Variants in LAMA2 observed in about 807,000 individuals in gnomAD.
The protein encoded by LAMA2 is laminin subunit alpha-2.
In LAMA2, 269 loss-of-function variants were observed where a neutral mutation model predicts 364.8. The ratio of observed to expected loss-of-function variants is 0.74; its 90% CI spans 0.67 to 0.82. LAMA2 has a LOEUF of 0.82. Ranked by LOEUF, LAMA2 falls within the 40% of genes least tolerant of loss-of-function variation. The probability of loss-of-function intolerance (pLI) is 0.00; values close to 1 mark genes in which losing one functional copy is unlikely to be tolerated. For synonymous variants in LAMA2, 1,379 were observed against 1,370.6 expected (o/e 1.01, Z -0.14); for missense variants, 3,807 against 3,873.2 (o/e 0.98, Z 0.45).
intron 14 of LAMA2, among the ~76,000 whole-genome samples, chr6:129,254,412 G>A (rs115041193): frequency 1.2e-3 from 183 of 152,276 alleles, no homozygotes; most frequent in African/African-American, 4.2e-3. Flanking sequence ...ATAAGGAGGA[G>A]GACAATTGCT....
intron 12 of LAMA2, among the ~76,000 whole-genome samples, chr6:129,237,048 A>G (rs1204694502): frequency 6.6e-6 from 1 of 152,194 alleles, no homozygotes; most frequent in African/African-American, 2.4e-5. Flanking sequence ...TGTAACCTTG[A>G]ACAAGTTATG....
At chr6:129,149,253 A>G (rs771556015) in intron 7 of LAMA2, among the ~76,000 whole-genome samples, 157 bp downstream of exon 7, 2 of 152,162 alleles carry the variant, frequency 1.3e-5, no homozygotes, top group African/African-American at 2.4e-5. Context: ...AGCTTTTCCT[A>G]AAGGGAAATA....
chr6:129,200,435 CAT>C (rs1017533135), intron 12 of LAMA2, among the ~76,000 whole-genome samples: 17 of 148,916 alleles, frequency 1.1e-4, no homozygotes, highest in Admixed American at 2.7e-4. Context: ...TATGTGTACA[CAT>C]ATACATATAT....
At chr6:129,243,796 A>G (rs1264390494) in intron 12 of LAMA2, among the ~76,000 whole-genome samples, 1 of 152,062 alleles carries the variant, frequency 6.6e-6, no homozygotes. Flanking sequence ...GTGAAAGGAC[A>G]TAGTTATTGT....
intron 3 of LAMA2, among the ~76,000 whole-genome samples, chr6:129,080,327 A>G (rs1351077029): frequency 6.6e-6 from 1 of 152,174 alleles, no homozygotes; most frequent in African/African-American, 2.4e-5. Flanking sequence ...TGAACCTTAG[A>G]GTAACTAAAA....
intron 12 of LAMA2, among the ~76,000 whole-genome samples, chr6:129,212,433 C>A (rs1052230819): frequency 2.0e-5 from 3 of 151,924 alleles, no homozygotes; most frequent in African/African-American, 7.3e-5. Context: ...CCTCTTAAAC[C>A]GGATGTTTTT....
At chr6:129,060,202 A>C (rs1788800365) in intron 3 of LAMA2, among the ~76,000 whole-genome samples, 1 of 152,214 alleles carries the variant, frequency 6.6e-6, no homozygotes, top group Non-Finnish European at 1.5e-5. Context: ...TTACATAACA[A>C]AAATATAATA....
chr6:129,094,399 C>T (rs1027857349), intron 3 of LAMA2, among the ~76,000 whole-genome samples: 1 of 152,136 alleles, frequency 6.6e-6, no homozygotes, highest in Non-Finnish European at 1.5e-5. Context: ...ACTGCTTTTC[C>T]GTGTCACTGC....
chr6:129,258,270 C>A (rs1419221363), intron 14 of LAMA2, among the ~76,000 whole-genome samples: 1 of 151,962 alleles, frequency 6.6e-6, no homozygotes. Context: ...TCCAAAAGAA[C>A]TGAAAATAGG....
intron 12 of LAMA2, among the ~76,000 whole-genome samples, chr6:129,212,695 G>A (rs939240849): frequency 1.3e-5 from 2 of 152,092 alleles, no homozygotes; most frequent in East Asian, 1.9e-4. Context: ...CATCGATTTC[G>A]GGTTCATGCC....
intron 1 of LAMA2, among the ~76,000 whole-genome samples, chr6:128,975,424 G>A (rs926561956): frequency 6.6e-6 from 1 of 152,030 alleles, no homozygotes; most frequent in Non-Finnish European, 1.5e-5. Context: ...CTTGGGAGGA[G>A]GGCCCTAAAT....
chr6:128,950,796 C>A (rs1562862905), intron 1 of LAMA2, among the ~76,000 whole-genome samples: 3 of 151,986 alleles, frequency 2.0e-5, no homozygotes, highest in African/African-American at 7.3e-5. Context: ...ATAATCTGCA[C>A]ATATGTTTAT....
chr6:129,223,693 T>C (rs2115103934), intron 12 of LAMA2, among the ~76,000 whole-genome samples: 1 of 152,328 alleles, frequency 6.6e-6, no homozygotes, highest in South Asian at 2.1e-4. Flanking sequence ...TTCTGTTCCA[T>C]TGATCTACAT....
At chr6:129,340,094 A>G (rs921284287) in intron 29 of LAMA2, among the ~76,000 whole-genome samples, 4 of 152,146 alleles carry the variant, frequency 2.6e-5, no homozygotes, top group Non-Finnish European at 5.9e-5. Flanking sequence ...AAACCTACAT[A>G]TGAGGCCTGA....
Position 128,926,893 on chromosome 6 carries a change from C to T in LAMA2, c.112+43536C>T, listed in dbSNP as rs371539779. 9.2e-5 allele frequency among the ~76,000 whole-genome samples: 14 copies of T among 152,316 alleles called. No homozygotes were observed. In the South Asian group the frequency reaches 2.9e-3, roughly 32 times the overall value. On this transcript the variant is annotated intron_variant, in intron 1 of 64. Transcript: ENST00000421865. ...CAAATTCCAGTACACTTCAGCTCTG[C>T]TAACAAAGATGAAATAGAGAATAAA...
intron 3 of LAMA2, among the ~76,000 whole-genome samples, chr6:129,081,970 T>A (rs1282250664): frequency 6.6e-6 from 1 of 152,156 alleles, no homozygotes; most frequent in African/African-American, 2.4e-5. Flanking sequence ...TTAATTAATA[T>A]GTCAAATATC....
chr6:129,329,101 A>C (rs550936966), intron 29 of LAMA2, among the ~76,000 whole-genome samples: 1 of 152,268 alleles, frequency 6.6e-6, no homozygotes, highest in East Asian at 1.9e-4. Flanking sequence ...CACTGTAAGA[A>C]ATTCAGGTTG....
intron 23 of LAMA2, 58 bp downstream of exon 23, chr6:129,313,155 C>A: frequency 1.9e-6 from 2 of 1,049,786 alleles, no homozygotes; most frequent in South Asian, 1.5e-5. Context: ...TTCCATTGCT[C>A]AGTTTTAACT....
intron 49 of LAMA2, among the ~76,000 whole-genome samples, chr6:129,462,107 G>A (rs1329369724): frequency 6.6e-6 from 1 of 151,992 alleles, no homozygotes; most frequent in Non-Finnish European, 1.5e-5. Flanking sequence ...ACCAGTAAGA[G>A]CAAAGGGAGG....
Sources: allele counts gnomAD v4.1 joint callset (sites outside exome capture counted in the v4.1 genomes callset), GRCh38; gene constraint gnomAD v4.1.1; transcripts MANE v1.5; gene names NCBI Gene and HGNC (gene_info 2026-07-23, HGNC 2026-07-21).